The following SLC15A2 variants were observed in gnomAD, a reference collection of about 807,000 sequenced individuals.
SLC15A2 encodes kidney H(+)/peptide cotransporter.
SLC15A2 carries 77 observed loss-of-function variants against 95.5 expected under a neutral mutation model. The ratio of observed to expected loss-of-function variants is 0.81; its 90% CI spans 0.67 to 0.97. The LOEUF (loss-of-function observed/expected upper bound fraction) is 0.97, where lower values mean the gene tolerates loss of function less well. Among genes scored for constraint, SLC15A2 ranks in the 50% least tolerant of loss-of-function variants. The pLI is 0.00. For synonymous variants in SLC15A2, 306 were observed against 306.9 expected (o/e 1.00, Z 0.03); for missense variants, 893 against 874.4 (o/e 1.02, Z -0.27).
Position 121,911,663 on chromosome 3 carries a change from A to G in SLC15A2, c.425A>G (p.His142Arg), listed in dbSNP as rs757860397. ...CCAATACTGGGAGGACAAGTGGTAC[A>G]CACGTGAGTAAAATCATGGAATCAA... Reference protein sequence around the residue: ...ALPILGGQVVHTVLSLIGLSL... With the variant: ...ALPILGGQVVRTVLSLIGLSL... Residue 142 changes from histidine (H) to arginine (R), a missense_variant, in exon 4 of 22, where the codon CAC (histidine) becomes CGC (arginine). Transcript: ENST00000489711. The G allele has an allele frequency of 9.4e-6, 15 of 1,597,980 alleles. No homozygotes were observed. Among genetic ancestry groups the G allele is most frequent in the Non-Finnish European group, 1.3e-5 (15 of 1,165,434 alleles).
intron 8 of SLC15A2, 132 bp from the exon 9 acceptor site, chr3:121,922,643 A>G (rs377700301): frequency 3.3e-5 from 19 of 580,442 alleles, no homozygotes; most frequent in South Asian, 2.6e-4. Flanking sequence ...TCTGAAATTC[A>G]ATGCCTGATT....
chr3:121,896,256 C>G (rs550332349), intron 1 of SLC15A2, 150 bp from the exon 2 acceptor site: 1 of 641,382 alleles, frequency 1.6e-6, no homozygotes, highest in African/African-American at 1.8e-5. Context: ...TTAGTGTTAC[C>G]TAATAGGTGT....
intron 3 of SLC15A2, among the ~76,000 whole-genome samples, chr3:121,906,861 A>G (rs911105978): frequency 6.6e-6 from 1 of 152,136 alleles, no homozygotes. Context: ...CTCGAGGAGT[A>G]TCTTTGTGGT....
intron 7 of SLC15A2, among the ~76,000 whole-genome samples, chr3:121,916,561 T>C (rs1461985952): frequency 6.6e-6 from 1 of 152,214 alleles, no homozygotes; most frequent in Non-Finnish European, 1.5e-5. Context: ...AGGAAATTTA[T>C]TATAGGTGAG....
intron 17 of SLC15A2, among the ~76,000 whole-genome samples, chr3:121,930,322 C>G (rs1367326697): frequency 6.6e-6 from 1 of 152,054 alleles, no homozygotes; most frequent in Non-Finnish European, 1.5e-5. Context: ...CTGCAGACTC[C>G]AAAACAATTA....
intron 3 of SLC15A2, among the ~76,000 whole-genome samples, chr3:121,903,343 T>C (rs1232341057): frequency 6.6e-6 from 1 of 152,232 alleles, no homozygotes; most frequent in East Asian, 1.9e-4. Flanking sequence ...GTGCAGAAGC[T>C]CTTTAATTTA....
At chr3:121,900,202 CA>C (rs987545822) in intron 3 of SLC15A2, among the ~76,000 whole-genome samples, 4 of 152,158 alleles carry the variant, frequency 2.6e-5, no homozygotes, top group African/African-American at 9.7e-5. Context: ...TTCACCTCCA[CA>C]AATCTGTTCT....
chr3:121,923,878 GC>G (rs1393071091), intron 11 of SLC15A2, among the ~76,000 whole-genome samples: 2 of 152,102 alleles, frequency 1.3e-5, no homozygotes, highest in Non-Finnish European at 2.9e-5. Context: ...TCTATTTGGA[GC>G]CTGCAAAATA....
chr3:121,898,233 A>G (rs1454500618), intron 3 of SLC15A2, among the ~76,000 whole-genome samples: 1 of 151,468 alleles, frequency 6.6e-6, no homozygotes, highest in African/African-American at 2.4e-5. Context: ...TCTTCTCCAG[A>G]TTGAGTTATC....
intron 20 of SLC15A2, among the ~76,000 whole-genome samples, chr3:121,939,796 T>C (rs1321392511): frequency 6.6e-6 from 1 of 151,972 alleles, no homozygotes; most frequent in Non-Finnish European, 1.5e-5. Flanking sequence ...AGCAAGTAAA[T>C]TACTATCTCT....
chr3:121,914,955 C>A lies in SLC15A2; in HGVS notation c.529-272C>A, dbSNP rs546438736. 3 of 1,152,724 alleles carry A rather than the reference C, an allele frequency of 2.6e-6. No individual in the cohort carries two copies. In the East Asian group the frequency reaches 1.6e-4, roughly 61 times the overall value. 71.4% of individuals were successfully genotyped at this position (1,152,724 alleles called of 1,614,324 possible). On this transcript the variant is annotated intron_variant, in intron 5 of 21. Transcript: ENST00000489711. ...TATTAGAATAGCTATATACAGGATA[C>A]GGTAGTGGCACTGAAGACAGGAAGA...
At chr3:121,914,914 A>T in intron 5 of SLC15A2, 1 of 824,606 alleles carries the variant, frequency 1.2e-6, no homozygotes, top group Non-Finnish European at 1.5e-6. Context: ...CCAGACATTT[A>T]ATGCAAAGAC....
rs998293419 is a variant in SLC15A2 at position 121,941,609 on chromosome 3, T to C, written c.*602T>C. ...CCATTTTATTAAAACACAGGAGAAGTTATATCTCTCTGATTATGATAGTAT... is the reference window on the plus strand; with the variant it reads ...CCATTTTATTAAAACACAGGAGAAGCTATATCTCTCTGATTATGATAGTAT... On this transcript the variant is annotated 3_prime_UTR_variant, in exon 22 of 22. Coordinates refer to ENST00000489711, the MANE Select transcript of SLC15A2 (RefSeq NM_021082.4). 2 of 152,178 alleles carry C rather than the reference T, an allele frequency of 1.3e-5. No homozygotes were observed. The highest frequency in any genetic ancestry group is 2.9e-5 in the Non-Finnish European group (2 of 68,036). The allele number at this position is 152,178 out of a possible 1,614,324, so 9.4% of individuals were successfully genotyped here.
chr3:121,939,285 C>A, intron 19 of SLC15A2, 64 bp from the exon 20 acceptor site: 1 of 1,247,174 alleles, frequency 8.0e-7, no homozygotes, highest in Non-Finnish European at 1.1e-6. Flanking sequence ...TCGTAGAATG[C>A]TGTAGTTAGA....
In SLC15A2 at chr3:121,928,466, G is replaced by A. The variant is rs775371504; in HGVS notation, c.1252G>A (p.Val418Ile). ...QPGPQEVFLQ[V>I]LNLADDEVKV... Reference sequence around the variant, plus strand: ...AGGTCCCCAGGAGGTTTTCCTACAAGTCTTGAATCTGGCAGATGATGAGGT... The same window carrying A: ...AGGTCCCCAGGAGGTTTTCCTACAAATCTTGAATCTGGCAGATGATGAGGT... Residue 418 changes from valine to isoleucine, a missense_variant, in exon 15 of 22, where the codon GTC (valine) becomes ATC (isoleucine). Physicochemically the swap from Val to Ile is conservative, Grantham distance 29. Transcript: ENST00000489711. The A allele has an allele frequency of 1.2e-6, 2 of 1,614,148 alleles. No homozygotes were observed. The highest frequency in any genetic ancestry group is 1.7e-6 in the Non-Finnish European group (2 of 1,179,986).
intron 3 of SLC15A2, among the ~76,000 whole-genome samples, chr3:121,906,396 T>A (rs560347621): frequency 7.9e-5 from 12 of 152,378 alleles, no homozygotes; most frequent in African/African-American, 2.9e-4. Flanking sequence ...TTTGATCCAA[T>A]CATTATGATG....
intron 21 of SLC15A2, 145 bp from the exon 22 acceptor site, chr3:121,940,686 G>A (rs968991085): frequency 4.5e-6 from 4 of 886,444 alleles, no homozygotes; most frequent in Non-Finnish European, 6.9e-6. Context: ...TATGTGAGGA[G>A]AGGCCAGTGA....
chr3:121,918,136 A>G (rs578022829), intron 7 of SLC15A2, among the ~76,000 whole-genome samples: 2 of 152,362 alleles, frequency 1.3e-5, no homozygotes, highest in East Asian at 1.9e-4. Context: ...TATTTTGATT[A>G]CCGAATTTTT....
At chr3:121,912,542 A>G (rs181197416) in intron 4 of SLC15A2, among the ~76,000 whole-genome samples, 11 of 152,256 alleles carry the variant, frequency 7.2e-5, no homozygotes, top group African/African-American at 2.6e-4. Context: ...CTTGATATTT[A>G]ATAAATATTA....
Sources: gnomAD v4.1 joint callset for allele counts (sites outside exome capture counted in the v4.1 genomes callset) on GRCh38, gnomAD v4.1.1 for gene constraint, MANE v1.5 for transcripts, NCBI Gene and HGNC (gene_info 2026-07-23, HGNC 2026-07-21) for gene names.